Variants in B3GALT1 observed in about 807,000 individuals in gnomAD.
The protein encoded by B3GALT1 is beta-1,3-galactosyltransferase 1.
In B3GALT1, 10 loss-of-function variants were observed where a neutral mutation model predicts 23.2. The observed-to-expected ratio is 0.43, with a 90% CI of 0.27 to 0.73. B3GALT1 has a LOEUF of 0.73. Ranked by LOEUF, B3GALT1 falls within the 30% of genes least tolerant of loss-of-function variation. The pLI is 0.21. For synonymous variants in B3GALT1, 156 were observed against 141.5 expected, an observed-to-expected ratio of 1.10 and a Z score of -0.73; for missense variants, 299 against 405.4, an observed-to-expected ratio of 0.74 and a Z score of 2.25.
chr2:167,444,779 A>T (rs1210926902), intron 1 of B3GALT1, among the ~76,000 whole-genome samples: 1 of 152,016 alleles, frequency 6.6e-6, no homozygotes, highest in African/African-American at 2.4e-5. Context: ...TAGTCTTGCT[A>T]GCGGTCTATA....
At chr2:167,711,570 T>A (rs1687049138) in intron 3 of B3GALT1, among the ~76,000 whole-genome samples, 1 of 152,080 alleles carries the variant, frequency 6.6e-6, no homozygotes, top group Admixed American at 6.6e-5. Context: ...TCATTCAGTA[T>A]TTTTTTTCTG....
intron 3 of B3GALT1, among the ~76,000 whole-genome samples, chr2:167,780,434 A>C (rs546598037): frequency 1.3e-5 from 2 of 152,242 alleles, no homozygotes; most frequent in African/African-American, 2.4e-5. Context: ...AACAAAGAGA[A>C]GACAGCTATT....
Position 167,460,719 on chromosome 2 carries a change from C to T in B3GALT1, c.-510-29458C>T, listed in dbSNP as rs187937975. On this transcript the variant is annotated intron_variant, in intron 1 of 4. Coordinates refer to ENST00000392690, the MANE Select transcript of B3GALT1 (RefSeq NM_020981.4). ...ACATTTGAATCTAATAATGTGGTAC[C>T]TCTATAAATTGATTCTTCCTCTTTC... is the stretch of plus-strand genomic sequence containing the variant. Among the ~76,000 whole-genome samples the T allele has an allele frequency of 5.8e-3, 883 of 151,778 alleles. 10 individuals are homozygous for T. Among genetic ancestry groups the T allele is most frequent in the African/African-American group, 0.02 (847 of 41,396 alleles).
At chr2:167,809,978 C>T (rs537040207) in intron 3 of B3GALT1, among the ~76,000 whole-genome samples, 1 of 152,240 alleles carries the variant, frequency 6.6e-6, no homozygotes, top group Non-Finnish European at 1.5e-5. Context: ...CAAGTCTCAG[C>T]AATGGCAGGC....
At position 167,724,834 on chromosome 2, in the gene B3GALT1, G is replaced by A. The variant is rs1191136060; in HGVS notation, c.-352+77868G>A. On this transcript the variant is annotated intron_variant, in intron 3 of 4. Transcript: ENST00000392690. ...TGTAAGAAAAAAATTCAGGCTTCATGGAGATACGCAGTTGCAAAAGGACCT... is the reference window on the plus strand; with the variant it reads ...TGTAAGAAAAAAATTCAGGCTTCATAGAGATACGCAGTTGCAAAAGGACCT... Among the ~76,000 whole-genome samples the A allele has an allele frequency of 4.6e-5, 7 of 152,270 alleles. 1 individual carries two copies. In the South Asian group the frequency reaches 1.2e-3, roughly 27 times the overall value.
intron 1 of B3GALT1, among the ~76,000 whole-genome samples, chr2:167,457,199 GTCTTA>G (rs1291056972): frequency 1.3e-5 from 2 of 151,986 alleles, no homozygotes; most frequent in Non-Finnish European, 2.9e-5. Flanking sequence ...TTGAGACGGA[GTCTTA>G]CTTTGTCACC....
intron 3 of B3GALT1, among the ~76,000 whole-genome samples, chr2:167,808,912 C>T (rs916738583): frequency 6.6e-6 from 1 of 152,234 alleles, no homozygotes; most frequent in South Asian, 2.1e-4. Context: ...CCATCACTTT[C>T]AGGTACACCA....
chr2:167,545,023 CTTTTTTTTTTTTTTTTT>C lies in B3GALT1; in HGVS notation c.-410+54761_-410+54777del, dbSNP rs869066627. Among the ~76,000 whole-genome samples the C allele has an allele frequency of 9.2e-5, 5 of 54,270 alleles. No homozygotes were observed. The Admixed American group carries it at 1.2e-3, about 14-fold the overall frequency. The allele number at this position is 54,270 out of a possible 152,430, so 35.6% of individuals were successfully genotyped here. On this transcript the variant is annotated intron_variant, in intron 2 of 4. Transcript: ENST00000392690. ...GGAAGGCCGCTTTTGGCTTGGGTGTCTTTTTTTTTTTTTTTTTTTTTTTTTTTTTTTGAGACAGTCTC... is the reference window on the plus strand; with the variant it reads ...GGAAGGCCGCTTTTGGCTTGGGTGTCTTTTTTTTTTTTTTGAGACAGTCTC...
chr2:167,641,740 CTT>C (rs1685656028), intron 2 of B3GALT1, among the ~76,000 whole-genome samples: 1 of 152,146 alleles, frequency 6.6e-6, no homozygotes, highest in Non-Finnish European at 1.5e-5. Context: ...GGCTCCTTCT[CTT>C]GTCAGCCCTG....
chr2:167,464,174 A>T (rs1209359697), intron 1 of B3GALT1, among the ~76,000 whole-genome samples: 11 of 148,616 alleles, frequency 7.4e-5, no homozygotes, highest in Non-Finnish European at 1.0e-4. Context: ...TTTTTTTTTT[A>T]AAAAAGGATC....
intron 1 of B3GALT1, among the ~76,000 whole-genome samples, chr2:167,378,736 T>C (rs1218885047): frequency 1.3e-5 from 2 of 152,188 alleles, no homozygotes; most frequent in Non-Finnish European, 2.9e-5. Flanking sequence ...TTTAGAAGTT[T>C]CTTTGTGTTG....
At chr2:167,692,898 T>G (rs373987827) in intron 3 of B3GALT1, among the ~76,000 whole-genome samples, 1 of 152,114 alleles carries the variant, frequency 6.6e-6, no homozygotes, top group South Asian at 2.1e-4. Context: ...ACTGATGAGA[T>G]GGGCTCTTCT....
chr2:167,779,673 A>G (rs1296327743), intron 3 of B3GALT1, among the ~76,000 whole-genome samples: 1 of 152,158 alleles, frequency 6.6e-6, no homozygotes, highest in Non-Finnish European at 1.5e-5. Context: ...TGGTCATTTT[A>G]TTTGTCTAGA....
At chr2:167,467,997 T>G (rs1173579654) in intron 1 of B3GALT1, among the ~76,000 whole-genome samples, 1 of 152,108 alleles carries the variant, frequency 6.6e-6, no homozygotes, top group African/African-American at 2.4e-5. Context: ...TGATAGTGCT[T>G]GAAAGAAGTA....
intron 1 of B3GALT1, among the ~76,000 whole-genome samples, chr2:167,419,127 A>G (rs567507181): frequency 1.3e-5 from 2 of 152,338 alleles, no homozygotes; most frequent in East Asian, 3.9e-4. Context: ...CAGTTTGACC[A>G]TAGCTTAGGA....
At chr2:167,658,282 A>G (rs552640024) in intron 3 of B3GALT1, among the ~76,000 whole-genome samples, 1 of 152,248 alleles carries the variant, frequency 6.6e-6, no homozygotes, top group African/African-American at 2.4e-5. Flanking sequence ...GAGAATTGAA[A>G]AAGAATATTG....
intron 2 of B3GALT1, among the ~76,000 whole-genome samples, chr2:167,643,650 G>A (rs369820340): frequency 4.6e-5 from 7 of 152,272 alleles, no homozygotes; most frequent in Admixed American, 1.3e-4. Context: ...CATGCTAAAT[G>A]GGAGAGGTCT....
chr2:167,693,342 G>A (rs1368602101), intron 3 of B3GALT1, among the ~76,000 whole-genome samples: 1 of 152,032 alleles, frequency 6.6e-6, no homozygotes, highest in Non-Finnish European at 1.5e-5. Flanking sequence ...AAATAGCCTA[G>A]GAAGCAGGAA....
intron 1 of B3GALT1, among the ~76,000 whole-genome samples, chr2:167,384,398 T>G (rs1473883682): frequency 1.3e-5 from 2 of 152,166 alleles, no homozygotes; most frequent in African/African-American, 4.8e-5. Context: ...CATCATGTGC[T>G]CTCTCGGAAT....
Sources: allele counts gnomAD v4.1 joint callset (sites outside exome capture counted in the v4.1 genomes callset), GRCh38; gene constraint gnomAD v4.1.1; transcripts MANE v1.5; gene names NCBI Gene and HGNC (gene_info 2026-07-23, HGNC 2026-07-21).